SUGCT: variants seen among roughly 807,000 people sequenced by gnomAD.
The protein encoded by SUGCT is succinyl-CoA:glutarate CoA-transferase.
A neutral mutation model predicts 55.0 loss-of-function variants in SUGCT; 41 were observed. The observed-to-expected ratio is 0.74, with a 90% CI of 0.58 to 0.97. The LOEUF is 0.97. SUGCT is among the 50% of genes least tolerant of loss of function. SUGCT has a pLI of 0.00. For synonymous variants in SUGCT, 187 were observed against 200.4 expected (o/e 0.93, Z 0.56); for missense variants, 568 against 547.8 (o/e 1.04, Z -0.37).
At chr7:40,949,760 G>A in the SUGCT span, among the ~76,000 whole-genome samples, 2 of 152,140 alleles carry the variant, frequency 1.3e-5, no homozygotes, top group Non-Finnish European at 1.5e-5. Flanking sequence ...AGATCAGCTG[G>A]TTGTAGATGT....
At chr7:40,406,684 T>C (rs1786388178) in intron 9 of SUGCT, among the ~76,000 whole-genome samples, 2 of 152,248 alleles carry the variant, frequency 1.3e-5, no homozygotes, top group South Asian at 2.1e-4. Flanking sequence ...TGTGAGTTAA[T>C]GTACACTATT....
At chr7:41,035,107 A>AG in the SUGCT span, among the ~76,000 whole-genome samples, 1 of 152,334 alleles carries the variant, frequency 6.6e-6, no homozygotes, top group South Asian at 2.1e-4. Context: ...TGTAGTCAGT[A>AG]GAGGGGCAAA....
intron 6 of SUGCT, among the ~76,000 whole-genome samples, chr7:40,204,921 C>G (rs1786867865): frequency 6.6e-6 from 1 of 151,714 alleles, no homozygotes; most frequent in African/African-American, 2.4e-5. Flanking sequence ...CCACTGCACT[C>G]CAACCTGGGT....
At chr7:40,637,532 T>C (rs1357638437) in intron 12 of SUGCT, among the ~76,000 whole-genome samples, 1 of 152,218 alleles carries the variant, frequency 6.6e-6, no homozygotes, top group Non-Finnish European at 1.5e-5. Context: ...ATATTTGTTG[T>C]TAATTCTTTA....
intron 11 of SUGCT, among the ~76,000 whole-genome samples, chr7:40,470,880 C>T (rs754672515): frequency 2.0e-5 from 3 of 151,344 alleles, no homozygotes; most frequent in Non-Finnish European, 4.4e-5. Flanking sequence ...ATTTTTCTTT[C>T]CTCTATTGTG....
intron 5 of SUGCT, among the ~76,000 whole-genome samples, chr7:40,193,285 T>G (rs1480278005): frequency 1.5e-5 from 2 of 137,190 alleles, no homozygotes; most frequent in South Asian, 5.1e-4. Flanking sequence ...ACTGTGTTTT[T>G]TTTTTTTTTT....
intron 6 of SUGCT, among the ~76,000 whole-genome samples, chr7:40,207,230 C>T (rs1199810366): frequency 1.3e-5 from 2 of 151,988 alleles, no homozygotes; most frequent in Admixed American, 6.6e-5. Context: ...TCTAGCAAGC[C>T]ACCAATTAGG....
intron 9 of SUGCT, among the ~76,000 whole-genome samples, chr7:40,349,395 C>T (rs778932265): frequency 6.6e-6 from 1 of 152,032 alleles, no homozygotes; most frequent in African/African-American, 2.4e-5. Flanking sequence ...GTTGCCCAGG[C>T]TGGAGTGCAG....
At chr7:40,222,983 TTC>T (rs934439036) in intron 6 of SUGCT, among the ~76,000 whole-genome samples, 21 of 137,774 alleles carry the variant, frequency 1.5e-4, no homozygotes, top group African/African-American at 5.6e-4. Flanking sequence ...TATTTTTCAT[TTC>T]TTTCCTTCCT....
At chr7:40,942,933 G>T in the SUGCT span, among the ~76,000 whole-genome samples, 1 of 151,854 alleles carries the variant, frequency 6.6e-6, no homozygotes, top group Non-Finnish European at 1.5e-5. Context: ...AAAAATATCT[G>T]TCTCTTTAGA....
At chr7:40,214,207 G>T (rs770269763) in intron 6 of SUGCT, among the ~76,000 whole-genome samples, 1 of 152,072 alleles carries the variant, frequency 6.6e-6, no homozygotes, top group Non-Finnish European at 1.5e-5. Flanking sequence ...TCTTATAACC[G>T]TTGCCCTGCC....
At chr7:40,952,609 GT>G in the SUGCT span, among the ~76,000 whole-genome samples, 1 of 152,152 alleles carries the variant, frequency 6.6e-6, no homozygotes, top group African/African-American at 2.4e-5. Context: ...TCCTTTCCAT[GT>G]TTAGTGCTTC....
chr7:40,145,045 T>G (rs940120477), intron 1 of SUGCT, among the ~76,000 whole-genome samples: 7 of 152,216 alleles, frequency 4.6e-5, no homozygotes, highest in Non-Finnish European at 8.8e-5. Flanking sequence ...CTGTTGTGCT[T>G]TTATTTTAAT....
chr7:40,249,784 A>G (rs910416969), intron 7 of SUGCT, among the ~76,000 whole-genome samples: 1 of 151,974 alleles, frequency 6.6e-6, no homozygotes. Flanking sequence ...CTTTATTTTA[A>G]TTGACTTTTT....
chr7:40,366,212 T>C (rs1783951797), intron 9 of SUGCT, among the ~76,000 whole-genome samples: 1 of 152,134 alleles, frequency 6.6e-6, no homozygotes, highest in Non-Finnish European at 1.5e-5. Flanking sequence ...GCTAGCCATA[T>C]GTAGAAAGCT....
intron 9 of SUGCT, among the ~76,000 whole-genome samples, chr7:40,322,501 C>T (rs1248394465): frequency 6.6e-6 from 1 of 152,126 alleles, no homozygotes; most frequent in Non-Finnish European, 1.5e-5. Flanking sequence ...CTGATGAGAC[C>T]ATCTGTCCCC....
At chr7:40,505,634 C>T (rs1049945011) in intron 12 of SUGCT, among the ~76,000 whole-genome samples, 2 of 152,000 alleles carry the variant, frequency 1.3e-5, no homozygotes, top group Non-Finnish European at 2.9e-5. Flanking sequence ...CTGCTACACA[C>T]TTCCTTTTTG....
intron 6 of SUGCT, among the ~76,000 whole-genome samples, chr7:40,227,334 G>A (rs1035807498): frequency 5.3e-5 from 8 of 152,070 alleles, no homozygotes; most frequent in Non-Finnish European, 1.5e-5. Context: ...ACAGATGTGA[G>A]CCACCACACC....
At chr7:40,512,258 A>G (rs949266316) in intron 12 of SUGCT, among the ~76,000 whole-genome samples, 1 of 152,224 alleles carries the variant, frequency 6.6e-6, no homozygotes, top group African/African-American at 2.4e-5. Flanking sequence ...AAGACCTTCT[A>G]TATCATGAGG....
Sources: allele counts gnomAD v4.1 joint callset (sites outside exome capture counted in the v4.1 genomes callset), GRCh38; gene constraint gnomAD v4.1.1; transcripts MANE v1.5; gene names NCBI Gene and HGNC (gene_info 2026-07-23, HGNC 2026-07-21).